The following CREB1 variants were observed in gnomAD, a reference collection of about 807,000 sequenced individuals.
CREB1 encodes cyclic AMP-responsive element-binding protein 1.
Under a neutral mutation model 42.0 loss-of-function variants are expected in CREB1, and 2 were observed. That is an observed-to-expected ratio of 0.05 (90% CI 0.02 to 0.15). CREB1 has a LOEUF of 0.15. Among genes scored for constraint, CREB1 ranks in the 10% least tolerant of loss-of-function variants. The pLI is 1.00. For synonymous variants in CREB1, 123 were observed against 139.9 expected (o/e 0.88, Z 0.85); for missense variants, 199 against 388.9 (o/e 0.51, Z 4.11).
At chr2:207,531,871 A>G (rs1447341893) in intron 1 of CREB1, among the ~76,000 whole-genome samples, 1 of 152,236 alleles carries the variant, frequency 6.6e-6, no homozygotes, top group Non-Finnish European at 1.5e-5. Context: ...TCTCTTTAAA[A>G]GACCACATTG....
intron 6 of CREB1, among the ~76,000 whole-genome samples, chr2:207,575,834 T>C (rs1006101410): frequency 2.0e-5 from 3 of 151,746 alleles, no homozygotes; most frequent in Non-Finnish European, 4.4e-5. Context: ...AAGTGTTTTG[T>C]TTTTTGTTGT....
At chr2:207,580,351 G>A (rs757095242) in intron 7 of CREB1, among the ~76,000 whole-genome samples, 4 of 152,184 alleles carry the variant, frequency 2.6e-5, no homozygotes, top group Non-Finnish European at 5.9e-5. Context: ...GGAGGTGAAC[G>A]TGGAGTGCTT....
chr2:207,593,471 A>G (rs779543754), intron 7 of CREB1, among the ~76,000 whole-genome samples: 25 of 152,206 alleles, frequency 1.6e-4, no homozygotes, highest in Non-Finnish European at 3.1e-4. Flanking sequence ...TCAAGGCTGC[A>G]GTGAGCCCTC....
At chr2:207,532,403 G>A (rs1258557775) in intron 1 of CREB1, among the ~76,000 whole-genome samples, 1 of 151,842 alleles carries the variant, frequency 6.6e-6, no homozygotes. Context: ...GGCCGAGTGC[G>A]GTGGCTCACA....
chr2:207,593,200 A>C (rs1002917186), intron 7 of CREB1, among the ~76,000 whole-genome samples: 1 of 152,070 alleles, frequency 6.6e-6, no homozygotes, highest in South Asian at 2.1e-4. Context: ...CACCATTCCT[A>C]TTAGAGCCTT....
In CREB1 at chr2:207,605,059, T is replaced by G. The variant is rs1409551729; in HGVS notation, c.*8001T>G. Among the ~76,000 whole-genome samples the G allele has an allele frequency of 6.6e-6, 1 of 152,226 alleles. No individual in the cohort carries two copies. The highest frequency in any genetic ancestry group is 1.9e-4 in the East Asian group (1 of 5,200). The stretch of plus-strand genomic sequence containing the variant: ...GTTCGTGTACAAGTATTTGAGTCCG[T>G]GTTTTCAATTATTTGGGGTATATGC... On this transcript the variant is annotated 3_prime_UTR_variant, in exon 8 of 8. Coordinates refer to ENST00000353267, the MANE Select transcript of CREB1 (RefSeq NM_004379.5).
chr2:207,547,563 A>T (rs982694873), intron 1 of CREB1, among the ~76,000 whole-genome samples: 19 of 152,200 alleles, frequency 1.2e-4, no homozygotes, highest in Non-Finnish European at 7.3e-5. Context: ...TGTGAGATCA[A>T]TTCTTCCAAG....
At position 207,603,201 on chromosome 2, in the gene CREB1, AG is replaced by A. The variant is rs776930685; in HGVS notation, c.*6144del. On this transcript the variant is annotated 3_prime_UTR_variant, in exon 8 of 8. Transcript: ENST00000353267. ...AAATCTTTTTGTGCTTTATGTGTAA[AG>A]AAAAAAATGTACTGAGTTACAATGC... 4.6e-6 allele frequency: 1 copy of A among 215,894 alleles called. No homozygotes were observed. The highest frequency in any genetic ancestry group is 9.3e-6 in the Non-Finnish European group (1 of 107,178). 13.4% of individuals were successfully genotyped at this position (215,894 alleles called of 1,614,324 possible).
chr2:207,532,396 C>G (rs1485443170), intron 1 of CREB1, among the ~76,000 whole-genome samples: 2 of 151,774 alleles, frequency 1.3e-5, no homozygotes, highest in African/African-American at 4.8e-5. Context: ...CACTGATGGC[C>G]GAGTGCGGTG....
chr2:207,584,392 A>C (rs994358734), intron 7 of CREB1, among the ~76,000 whole-genome samples: 2 of 151,044 alleles, frequency 1.3e-5, no homozygotes, highest in Non-Finnish European at 2.9e-5. Flanking sequence ...TTTAACTTGC[A>C]CTTCACTAGT....
intron 3 of CREB1, among the ~76,000 whole-genome samples, chr2:207,566,611 A>G (rs1438142800): frequency 6.6e-6 from 1 of 152,198 alleles, no homozygotes; most frequent in Non-Finnish European, 1.5e-5. Context: ...AAGGATGTCT[A>G]AAATGGAGGT....
intron 4 of CREB1, 48 bp from the exon 5 acceptor site, chr2:207,570,131 G>GT: frequency 7.0e-7 from 1 of 1,429,936 alleles, no homozygotes; most frequent in Non-Finnish European, 9.5e-7. Flanking sequence ...TATTTAGCCA[G>GT]TAAATTGTAC....
rs2086632636 is a variant in CREB1 at position 207,599,035 on chromosome 2, A to T, written c.*1977A>T. ...AAATAAGATTTTAATTAACATTTGTAAATGGTATATTTTCGTTTGTAACAA... is the reference window on the plus strand; with the variant it reads ...AAATAAGATTTTAATTAACATTTGTTAATGGTATATTTTCGTTTGTAACAA... On this transcript the variant is annotated 3_prime_UTR_variant, in exon 8 of 8. Coordinates refer to ENST00000353267, the MANE Select transcript of CREB1 (RefSeq NM_004379.5). 5.3e-6 allele frequency: 1 copy of T among 187,726 alleles called. No homozygotes were observed. Among genetic ancestry groups the T allele is most frequent in the Admixed American group, 6.2e-5 (1 of 16,158 alleles). 11.6% of individuals were successfully genotyped at this position (187,726 alleles called of 1,614,324 possible).
At chr2:207,534,425 C>T (rs929935689) in intron 1 of CREB1, among the ~76,000 whole-genome samples, 11 of 151,986 alleles carry the variant, frequency 7.2e-5, no homozygotes, top group Admixed American at 1.3e-4. Flanking sequence ...TTAGTAGAGA[C>T]AGGGTTTCAC....
chr2:207,538,807 A>G (rs553051890), intron 1 of CREB1, among the ~76,000 whole-genome samples: 2 of 152,332 alleles, frequency 1.3e-5, no homozygotes, highest in East Asian at 3.9e-4. Context: ...TTCTTTCATC[A>G]ATTTTAAGTG....
At chr2:207,582,752 G>C in intron 7 of CREB1, 2 of 195,398 alleles carry the variant, frequency 1.0e-5, no homozygotes, top group Non-Finnish European at 2.2e-5. Context: ...AATTTAGCCG[G>C]GGTGGTGGTG....
rs1215310647 is a variant in CREB1, at chr2:207,600,777, C to CTCT, written c.*3720_*3722dup. Reference sequence around the variant, plus strand: ...TCATCTGGCTGAAGTTTATCTCTGTCTCTCAGGATAAATCCCTGTAGGACA... The same window carrying CTCT: ...TCATCTGGCTGAAGTTTATCTCTGTCTCTTCTCAGGATAAATCCCTGTAGGACA... On this transcript the variant is annotated 3_prime_UTR_variant, in exon 8 of 8. Transcript: ENST00000353267. The CTCT allele has an allele frequency of 1.9e-5, 4 of 209,962 alleles. No homozygotes were observed. The Admixed American group carries it at 2.4e-4, about 12-fold the overall frequency. The allele number at this position is 209,962 out of a possible 1,614,324, so 13.0% of individuals were successfully genotyped here.
At chr2:207,530,495 G>T (rs1219707286) in intron 1 of CREB1, among the ~76,000 whole-genome samples, 1 of 144,656 alleles carries the variant, frequency 6.9e-6, no homozygotes, top group Non-Finnish European at 1.5e-5. Flanking sequence ...GCCGCCGCCG[G>T]GCCGGGCGCG....
intron 1 of CREB1, among the ~76,000 whole-genome samples, chr2:207,535,209 C>T (rs1232685757): frequency 1.3e-5 from 2 of 152,094 alleles, no homozygotes; most frequent in Non-Finnish European, 2.9e-5. Flanking sequence ...TCCTGTTTAA[C>T]TCCAGTTTTT....
Sources: gnomAD v4.1 joint callset for allele counts (sites outside exome capture counted in the v4.1 genomes callset) on GRCh38, gnomAD v4.1.1 for gene constraint, MANE v1.5 for transcripts, NCBI Gene and HGNC (gene_info 2026-07-23, HGNC 2026-07-21) for gene names.